POLK: variants seen among roughly 807,000 people sequenced by gnomAD.
POLK encodes polymerase (DNA directed) kappa.
A neutral mutation model predicts 94.0 loss-of-function variants in POLK; 76 were observed. That is an observed-to-expected ratio of 0.81 (90% CI 0.67 to 0.98). POLK has a LOEUF of 0.98. Among genes scored for constraint, POLK ranks in the 50% least tolerant of loss-of-function variants. The pLI, the probability that POLK is intolerant of heterozygous loss-of-function variation, is 0.00. For synonymous variants in POLK, 349 were observed against 325.4 expected, an observed-to-expected ratio of 1.07 and a Z score of -0.78; for missense variants, 954 against 1,010.1, an observed-to-expected ratio of 0.94 and a Z score of 0.75.
intron 10 of POLK, 88 bp from the exon 11 acceptor site, chr5:75,590,256 A>T (rs942872012): frequency 3.3e-6 from 2 of 597,280 alleles, no homozygotes; most frequent in African/African-American, 3.6e-5. Context: ...ATATAACTTA[A>T]TGCTAGCCAT....
intron 7 of POLK, chr5:75,582,835 G>A (rs1158416519): frequency 6.5e-6 from 1 of 153,692 alleles, no homozygotes; most frequent in Non-Finnish European, 1.4e-5. Flanking sequence ...TCTAATCCCA[G>A]CTACTCGGGA....
chr5:75,595,702 C>A (rs1403482681), intron 12 of POLK, among the ~76,000 whole-genome samples: 1 of 152,054 alleles, frequency 6.6e-6, no homozygotes, highest in Admixed American at 6.6e-5. Flanking sequence ...CAAGGGTGAA[C>A]CCTATGTAAG....
the POLK span, among the ~76,000 whole-genome samples, chr5:75,607,683 A>T: frequency 6.6e-6 from 1 of 152,162 alleles, no homozygotes; most frequent in Admixed American, 6.5e-5. Flanking sequence ...GCTTTGTAAA[A>T]CAGAGACATA....
intron 3 of POLK, among the ~76,000 whole-genome samples, chr5:75,562,721 G>C (rs563353501): frequency 2.0e-5 from 3 of 152,106 alleles, no homozygotes; most frequent in Non-Finnish European, 4.4e-5. Flanking sequence ...TAGCATGAAG[G>C]GGTGTTGAAT....
At chr5:75,543,402 C>T (rs1180074099) in intron 1 of POLK, among the ~76,000 whole-genome samples, 1 of 152,090 alleles carries the variant, frequency 6.6e-6, no homozygotes, top group Non-Finnish European at 1.5e-5. Flanking sequence ...GCAGAGCTCA[C>T]AGGATTTCCT....
intron 1 of POLK, among the ~76,000 whole-genome samples, chr5:75,539,308 T>G (rs1769616477): frequency 6.6e-6 from 1 of 152,098 alleles, no homozygotes; most frequent in Admixed American, 6.6e-5. Flanking sequence ...TTTGGGATGT[T>G]TAATTTTTTT....
chr5:75,555,550 A>ATT (rs544470684), intron 3 of POLK, among the ~76,000 whole-genome samples: 15 of 144,274 alleles, frequency 1.0e-4, no homozygotes, highest in Non-Finnish European at 1.5e-4. Flanking sequence ...ACCACAGACA[A>ATT]TTTTTTTTTT....
At chr5:75,525,610 G>A (rs1310156040) in intron 1 of POLK, among the ~76,000 whole-genome samples, 4 of 152,128 alleles carry the variant, frequency 2.6e-5, no homozygotes, top group Non-Finnish European at 5.9e-5. Context: ...GAGATTATAG[G>A]AAGAGGAAGA....
chr5:75,518,929 C>CA (rs1256677910), intron 1 of POLK, among the ~76,000 whole-genome samples: 1 of 152,160 alleles, frequency 6.6e-6, no homozygotes, highest in Non-Finnish European at 1.5e-5. Flanking sequence ...ACTGCATCCT[C>CA]AATCTCCTTG....
chr5:75,540,195 G>A (rs1769666858), intron 1 of POLK, among the ~76,000 whole-genome samples: 1 of 151,986 alleles, frequency 6.6e-6, no homozygotes, highest in African/African-American at 2.4e-5. Flanking sequence ...TTCCAATAGT[G>A]TGGAGCGTAG....
chr5:75,524,367 G>A (rs1768732587), intron 1 of POLK, among the ~76,000 whole-genome samples: 1 of 152,052 alleles, frequency 6.6e-6, no homozygotes, highest in Admixed American at 6.6e-5. Flanking sequence ...ACCAATCTAG[G>A]ATTAAAATTT....
At chr5:75,562,677 A>G (rs1478219259) in intron 3 of POLK, among the ~76,000 whole-genome samples, 1 of 152,182 alleles carries the variant, frequency 6.6e-6, no homozygotes, top group Non-Finnish European at 1.5e-5. Flanking sequence ...ATTTTGAGAT[A>G]CGTTCCATCA....
intron 1 of POLK, 49 bp from the exon 2 acceptor site, chr5:75,546,961 C>G: frequency 1.9e-6 from 2 of 1,034,584 alleles, no homozygotes; most frequent in South Asian, 2.3e-5. Flanking sequence ...GCCACCACGC[C>G]TGGCCACAGA....
chr5:75,553,305 G>A (rs1164778078), intron 3 of POLK, among the ~76,000 whole-genome samples: 1 of 152,052 alleles, frequency 6.6e-6, no homozygotes, highest in Non-Finnish European at 1.5e-5. Flanking sequence ...ATGGCAAGAG[G>A]AATTTGCTCT....
chr5:75,546,842 A>G (rs908539911), intron 1 of POLK, among the ~76,000 whole-genome samples, 168 bp from the exon 2 acceptor site: 1 of 151,556 alleles, frequency 6.6e-6, no homozygotes. Context: ...ATTTTTTTGT[A>G]TTTTAGTAGA....
chr5:75,590,321 C>CA, intron 10 of POLK, 23 bp from the exon 11 acceptor site: 1 of 1,399,800 alleles, frequency 7.1e-7, no homozygotes, highest in Non-Finnish European at 9.9e-7. Context: ...CTTTGTGCGC[C>CA]AAAATTATTC....
intron 8 of POLK, 133 bp downstream of exon 8, chr5:75,583,550 A>G (rs1772312008): frequency 2.2e-6 from 1 of 454,888 alleles, no homozygotes; most frequent in Admixed American, 4.1e-5. Context: ...ATAATGGATG[A>G]TTGAATTTGG....
intron 2 of POLK, among the ~76,000 whole-genome samples, chr5:75,547,920 T>G (rs1298997431): frequency 2.0e-5 from 3 of 152,160 alleles, no homozygotes; most frequent in African/African-American, 7.2e-5. Context: ...TATGAAAAAT[T>G]AGTTTCATAT....
At chr5:75,599,234 G>A (rs926048908) in exon 15 of POLK, 5 of 152,138 alleles carry the variant, frequency 3.3e-5, no homozygotes, top group Non-Finnish European at 7.4e-5. Context: ...CCTGAAGAGC[G>A]AGACTCTGTC....
Sources: allele counts gnomAD v4.1 joint callset (sites outside exome capture counted in the v4.1 genomes callset), GRCh38; gene constraint gnomAD v4.1.1; transcripts MANE v1.5; gene names NCBI Gene and HGNC (gene_info 2026-07-23, HGNC 2026-07-21).